MAP2K5: variants seen among roughly 807,000 people sequenced by gnomAD.
The protein encoded by MAP2K5 is dual specificity mitogen-activated protein kinase kinase 5.
Under a neutral mutation model 83.1 loss-of-function variants are expected in MAP2K5, and 49 were observed. The observed-to-expected ratio is 0.59, with a 90% CI of 0.47 to 0.75. MAP2K5 has a LOEUF of 0.75. MAP2K5 is among the 30% of genes least tolerant of loss of function. MAP2K5 has a pLI of 0.00. For missense variants in MAP2K5, 457 were observed against 557.5 expected, an observed-to-expected ratio of 0.82 and a Z score of 1.82; for synonymous variants, 202 against 191.8, an observed-to-expected ratio of 1.05 and a Z score of -0.44.
intron 4 of MAP2K5, 132 bp downstream of exon 4, chr15:67,580,955 A>T (rs2085168401): frequency 1.5e-6 from 1 of 647,242 alleles, no homozygotes; most frequent in African/African-American, 1.8e-5. Flanking sequence ...AGAAGTATTC[A>T]TTATCGTGGG....
chr15:67,758,188 G>A lies in MAP2K5; in HGVS notation c.1134+9587G>A, dbSNP rs1479903280. On this transcript the variant is annotated intron_variant, in intron 19 of 21. Coordinates refer to ENST00000178640, the MANE Select transcript of MAP2K5 (RefSeq NM_145160.3). The surrounding 1 kb of genome is among the most constrained non-coding windows in gnomAD (Gnocchi z 4.7). Reference sequence around the variant, plus strand: ...ATGGATTAGAAAGGACATTGAAGCTGTAGTTCTGATCAGAAATTGGAGGGG... The same window carrying A: ...ATGGATTAGAAAGGACATTGAAGCTATAGTTCTGATCAGAAATTGGAGGGG... Among the ~76,000 whole-genome samples, 2 of 152,176 alleles carry A rather than the reference G, an allele frequency of 1.3e-5. No individual in the cohort carries two copies. Among genetic ancestry groups the A allele is most frequent in the African/African-American group, 4.8e-5 (2 of 41,438 alleles).
At chr15:67,711,010 A>G (rs2088678280) in intron 16 of MAP2K5, among the ~76,000 whole-genome samples, 1 of 152,202 alleles carries the variant, frequency 6.6e-6, no homozygotes. Flanking sequence ...GCTGAAGGTA[A>G]TATCTTCTTC....
chr15:67,623,223 G>T (rs558022879), intron 8 of MAP2K5, among the ~76,000 whole-genome samples: 5 of 152,142 alleles, frequency 3.3e-5, no homozygotes, highest in African/African-American at 4.8e-5. Context: ...GTTTAGTGAC[G>T]TTTCTGCTGA....
chr15:67,623,049 C>T (rs2086224229), intron 8 of MAP2K5, among the ~76,000 whole-genome samples: 1 of 152,184 alleles, frequency 6.6e-6, no homozygotes, highest in East Asian at 1.9e-4. Flanking sequence ...TTGCAGTGAG[C>T]CAAGATCATG....
At position 67,724,370 on chromosome 15, in the gene MAP2K5, G is replaced by A. The variant is rs187156180; in HGVS notation, c.1045-3546G>A. On this transcript the variant is annotated intron_variant, in intron 16 of 21. Coordinates refer to ENST00000178640, the MANE Select transcript of MAP2K5 (RefSeq NM_145160.3). The surrounding 1 kb of genome is among the most constrained non-coding windows in gnomAD (Gnocchi z 4.4). ...GTTTATTTTGACTTTTGACAGCCTC[G>A]TGGAGAACTCGTTCTTTTTTATTTA... Among the ~76,000 whole-genome samples the A allele has an allele frequency of 2.0e-5, 3 of 151,978 alleles. No homozygotes were observed. Among genetic ancestry groups the A allele is most frequent in the Non-Finnish European group, 4.4e-5 (3 of 67,986 alleles).
chr15:67,754,033 A>G (rs1329969118), intron 19 of MAP2K5, among the ~76,000 whole-genome samples: 3 of 152,222 alleles, frequency 2.0e-5, no homozygotes, highest in African/African-American at 7.2e-5. Flanking sequence ...AACATGCTAA[A>G]TGAAAGAAAC....
chr15:67,769,264 T>C lies in MAP2K5; in HGVS notation c.1135-338T>C, dbSNP rs2090097983. The stretch of plus-strand genomic sequence containing the variant: ...ACAAGAATAATTTCACAGCTCTTTG[T>C]TAATTACAAGACCATTTGTGTGTTA... On this transcript the variant is annotated intron_variant, in intron 19 of 21. Transcript: ENST00000178640. The surrounding 1 kb of genome is among the most constrained non-coding windows in gnomAD (Gnocchi z 5.2). Among the ~76,000 whole-genome samples, 2 of 152,248 alleles carry C rather than the reference T, an allele frequency of 1.3e-5. No individual in the cohort carries two copies. The highest frequency in any genetic ancestry group is 1.3e-4 in the Admixed American group (2 of 15,286).
rs893316042 is a variant in MAP2K5, at chr15:67,793,258, G to A, written c.1243-13388G>A. ...TGAATAGCCACTGTGCTCCAGTCAG[G>A]GCAACACTGTGAGACCTCATCTCTA... On this transcript the variant is annotated intron_variant, in intron 21 of 21. Coordinates refer to ENST00000178640, the MANE Select transcript of MAP2K5 (RefSeq NM_145160.3). The surrounding 1 kb of genome is among the most constrained non-coding windows in gnomAD (Gnocchi z 4.6). 6.6e-6 allele frequency among the ~76,000 whole-genome samples: 1 copy of A among 151,978 alleles called. No individual in the cohort carries two copies. The highest frequency in any genetic ancestry group is 2.4e-5 in the African/African-American group (1 of 41,358).
At position 67,577,028 on chromosome 15, in the gene MAP2K5, C is replaced by T. The variant is rs982595524; in HGVS notation, c.253-3726C>T. 2.1e-5 allele frequency among the ~76,000 whole-genome samples: 3 copies of T among 144,996 alleles called. No homozygotes were observed. Among genetic ancestry groups the T allele is most frequent in the African/African-American group, 7.5e-5 (3 of 40,096 alleles). On this transcript the variant is annotated intron_variant, in intron 3 of 21. Transcript: ENST00000178640. The surrounding 1 kb of genome is among the most constrained non-coding windows in gnomAD (Gnocchi z 4.1). The stretch of plus-strand genomic sequence containing the variant: ...TCGGCTCACTGCAAGCTCCGCTTCC[C>T]GGGTTCACGCCATTCTCCTGCCTCA...
intron 13 of MAP2K5, among the ~76,000 whole-genome samples, chr15:67,666,497 A>T (rs1354984355): frequency 6.6e-6 from 1 of 152,192 alleles, no homozygotes; most frequent in Non-Finnish European, 1.5e-5. Flanking sequence ...CTAGGGTCAG[A>T]TTCTCACTAT....
intron 3 of MAP2K5, among the ~76,000 whole-genome samples, chr15:67,564,353 T>C (rs150973341): frequency 9.9e-5 from 15 of 152,228 alleles, no homozygotes; most frequent in Admixed American, 5.9e-4. Context: ...TTTGGAATCA[T>C]GTGGAAATGA....
Position 67,644,887 on chromosome 15 carries a change from G to T in MAP2K5, c.586-1344G>T, listed in dbSNP as rs1298188826. ...TTTTTGGCTGGGCATGGTGGCTTACGCTTGTAATCCCAGAACTTTGGGAGG... is the reference window on the plus strand; with the variant it reads ...TTTTTGGCTGGGCATGGTGGCTTACTCTTGTAATCCCAGAACTTTGGGAGG... On this transcript the variant is annotated intron_variant, in intron 9 of 21. Coordinates refer to ENST00000178640, the MANE Select transcript of MAP2K5 (RefSeq NM_145160.3). The surrounding 1 kb of genome is among the most constrained non-coding windows in gnomAD (Gnocchi z 4.6). 2.0e-5 allele frequency among the ~76,000 whole-genome samples: 3 copies of T among 152,102 alleles called. No homozygotes were observed. The highest frequency in any genetic ancestry group is 2.9e-5 in the Non-Finnish European group (2 of 68,014).
intron 16 of MAP2K5, among the ~76,000 whole-genome samples, chr15:67,726,207 C>T (rs1400528224): frequency 6.6e-6 from 1 of 152,150 alleles, no homozygotes; most frequent in East Asian, 1.9e-4. Flanking sequence ...TATACACATA[C>T]ACACAAGCAT....
At chr15:67,569,151 C>A (rs1391195875) in intron 3 of MAP2K5, among the ~76,000 whole-genome samples, 1 of 152,060 alleles carries the variant, frequency 6.6e-6, no homozygotes. Flanking sequence ...AGCATCAGGG[C>A]CTTAGCTATT....
Position 67,748,695 on chromosome 15 carries a change from C to T in MAP2K5, c.1134+94C>T. 1 of 1,202,924 alleles carries T rather than the reference C, an allele frequency of 8.3e-7. No homozygotes were observed. Among genetic ancestry groups the T allele is most frequent in the Non-Finnish European group, 1.2e-6 (1 of 818,440 alleles). The allele number at this position is 1,202,924 out of a possible 1,614,324, so 74.5% of individuals were successfully genotyped here. A position where few individuals can be genotyped will look rare whatever the true frequency, so the allele number is the denominator to read the frequency against. ...TTTCCTAATGAAGCACAATGCCCAA[C>T]ATCCTTGGAGCAAGTTGTGTTGTAT... On this transcript the variant is annotated intron_variant, in intron 19 of 21. Transcript: ENST00000178640. This position sits in a 1 kb window ranked among gnomAD's most constrained non-coding sequence, Gnocchi z 4.0.
At chr15:67,626,009 T>TAAC (rs964794466) in intron 8 of MAP2K5, among the ~76,000 whole-genome samples, 2 of 152,216 alleles carry the variant, frequency 1.3e-5, no homozygotes, top group African/African-American at 4.8e-5. Context: ...TTATTCGAAG[T>TAAC]AACAACACTG....
At chr15:67,706,520 G>T (rs1294779411) in intron 16 of MAP2K5, among the ~76,000 whole-genome samples, 1 of 152,164 alleles carries the variant, frequency 6.6e-6, no homozygotes, top group Non-Finnish European at 1.5e-5. Flanking sequence ...GATGCTCCTT[G>T]TATTTTAAAA....
intron 21 of MAP2K5, among the ~76,000 whole-genome samples, chr15:67,787,288 G>A (rs1417533271): frequency 3.3e-5 from 5 of 152,210 alleles, no homozygotes; most frequent in Admixed American, 2.0e-4. Context: ...CGAGTTCAGC[G>A]CTTGTAGCTG....
chr15:67,569,438 C>T (rs2084907473), intron 3 of MAP2K5, among the ~76,000 whole-genome samples: 1 of 152,194 alleles, frequency 6.6e-6, no homozygotes, highest in African/African-American at 2.4e-5. Context: ...TTTATTTACT[C>T]AAATAATGAC....
Sources: allele counts gnomAD v4.1 joint callset (sites outside exome capture counted in the v4.1 genomes callset), GRCh38; gene constraint gnomAD v4.1.1; non-coding constraint Gnocchi (gnomAD v3.1); transcripts MANE v1.5; gene names NCBI Gene and HGNC (gene_info 2026-07-23, HGNC 2026-07-21).